VTI1A: variants seen among roughly 807,000 people sequenced by gnomAD.
The protein encoded by VTI1A is vesicle transport through interaction with t-SNAREs 1A.
A neutral mutation model predicts 34.9 loss-of-function variants in VTI1A; 22 were observed. The observed-to-expected ratio is 0.63, with a 90% CI of 0.45 to 0.90. The LOEUF is 0.90. Ranked by LOEUF, VTI1A falls within the 40% of genes least tolerant of loss-of-function variation. The pLI is 0.00. For missense variants in VTI1A, 268 were observed against 275.6 expected, an observed-to-expected ratio of 0.97 and a Z score of 0.20; for synonymous variants, 87 against 97.3, an observed-to-expected ratio of 0.89 and a Z score of 0.62.
chr10:112,499,445 A>T (rs1435167626), intron 3 of VTI1A, among the ~76,000 whole-genome samples: 1 of 151,562 alleles, frequency 6.6e-6, no homozygotes, highest in Non-Finnish European at 1.5e-5. Context: ...TCATCTCTTT[A>T]TTTTCTCTGG....
intron 7 of VTI1A, among the ~76,000 whole-genome samples, chr10:112,740,505 G>C (rs1484186440): frequency 6.6e-6 from 1 of 152,166 alleles, no homozygotes; most frequent in African/African-American, 2.4e-5. Context: ...GGGTGGTCTC[G>C]AACTCCTGAC....
chr10:112,586,395 C>T (rs930447824), intron 5 of VTI1A, among the ~76,000 whole-genome samples: 1 of 152,058 alleles, frequency 6.6e-6, no homozygotes, highest in Non-Finnish European at 1.5e-5. Flanking sequence ...GCGAAGTGGG[C>T]GTTTTTAAAT....
intron 7 of VTI1A, among the ~76,000 whole-genome samples, chr10:112,700,076 C>G (rs137943173): frequency 7.0e-6 from 1 of 142,920 alleles, no homozygotes; most frequent in Non-Finnish European, 1.5e-5. Context: ...CAAGATCGTG[C>G]TACTGCACTC....
chr10:112,736,602 A>C (rs977841085), intron 7 of VTI1A: 21 of 1,466,380 alleles, frequency 1.4e-5, no homozygotes, highest in Non-Finnish European at 1.7e-5. Context: ...GGCTCCTCTG[A>C]TAAGAAACCA....
At chr10:112,821,369 G>A (rs1192841336), downstream of VTI1A, among the ~76,000 whole-genome samples, 4 of 152,124 alleles carry the variant, frequency 2.6e-5, no homozygotes, top group Non-Finnish European at 4.4e-5. Context: ...GTTCAGGAGG[G>A]GACAATACCT....
chr10:112,504,824 T>C (rs1311665907), intron 3 of VTI1A, among the ~76,000 whole-genome samples: 1 of 152,170 alleles, frequency 6.6e-6, no homozygotes, highest in Non-Finnish European at 1.5e-5. Flanking sequence ...TGAATATTGG[T>C]TAACTAATAG....
intron 7 of VTI1A, among the ~76,000 whole-genome samples, chr10:112,765,594 G>A (rs1305594082): frequency 6.6e-6 from 1 of 152,206 alleles, no homozygotes; most frequent in African/African-American, 2.4e-5. Context: ...ACACTGCTAG[G>A]TGCTGGGGAA....
chr10:112,820,090 G>A (rs1442353337), downstream of VTI1A, among the ~76,000 whole-genome samples: 1 of 152,200 alleles, frequency 6.6e-6, no homozygotes, highest in Non-Finnish European at 1.5e-5. Context: ...CGAGCCAGGT[G>A]GGACCTGGCC....
intron 5 of VTI1A, chr10:112,548,921 T>C (rs1286114460): frequency 8.2e-6 from 7 of 858,272 alleles, no homozygotes; most frequent in African/African-American, 1.7e-5. Flanking sequence ...CCACTGACAT[T>C]TTCTTCTACT....
chr10:112,778,449 A>C (rs2134033397), intron 7 of VTI1A, among the ~76,000 whole-genome samples: 1 of 152,284 alleles, frequency 6.6e-6, no homozygotes, highest in African/African-American at 2.4e-5. Flanking sequence ...ACAAATAACC[A>C]CAACCCCGAT....
chr10:112,712,312 G>A (rs1590102627), intron 7 of VTI1A, among the ~76,000 whole-genome samples: 2 of 152,228 alleles, frequency 1.3e-5, no homozygotes, highest in South Asian at 2.1e-4. Flanking sequence ...GTCCTCACAT[G>A]TATTTTCAGT....
chr10:112,497,973 T>A (rs1849087755), intron 3 of VTI1A, among the ~76,000 whole-genome samples: 1 of 152,204 alleles, frequency 6.6e-6, no homozygotes, highest in Non-Finnish European at 1.5e-5. Context: ...ATGCTGTTAT[T>A]TTCAGCTGAC....
At position 112,515,694 on chromosome 10, in the gene VTI1A, G is replaced by A. The variant is rs1849751748; in HGVS notation, c.265-11393G>A. The stretch of plus-strand genomic sequence containing the variant: ...ATAATGTCACCTTCATCTAGCCACT[G>A]AATTTTGACTTGGAACTTCATTAGG... On this transcript the variant is annotated intron_variant, in intron 3 of 7. Coordinates refer to ENST00000393077, the MANE Select transcript of VTI1A (RefSeq NM_145206.4). Among the ~76,000 whole-genome samples the A allele has an allele frequency of 2.0e-5, 3 of 152,192 alleles. No homozygotes were observed. In the South Asian group the frequency reaches 6.2e-4, roughly 32 times the overall value.
chr10:112,705,855 A>C (rs984206375), intron 7 of VTI1A, among the ~76,000 whole-genome samples: 1 of 152,162 alleles, frequency 6.6e-6, no homozygotes, highest in Non-Finnish European at 1.5e-5. Context: ...GGCAAAACAA[A>C]CAAGACTTCA....
chr10:112,518,685 A>C (rs1362593560), intron 3 of VTI1A, among the ~76,000 whole-genome samples: 1 of 149,806 alleles, frequency 6.7e-6, no homozygotes, highest in Non-Finnish European at 1.5e-5. Flanking sequence ...ACACACACAT[A>C]ACTTTTTAAA....
intron 7 of VTI1A, among the ~76,000 whole-genome samples, chr10:112,747,932 C>T (rs187798347): frequency 4.6e-5 from 7 of 152,284 alleles, no homozygotes; most frequent in South Asian, 2.1e-4. Context: ...GGCAATCCAA[C>T]GCCCAGACAG....
intron 5 of VTI1A, among the ~76,000 whole-genome samples, chr10:112,603,749 A>T (rs1701129162): frequency 6.6e-6 from 1 of 152,146 alleles, no homozygotes; most frequent in South Asian, 2.1e-4. Context: ...GCTTTCCATC[A>T]TCCACCTTAG....
chr10:112,577,276 A>G (rs2134386236), intron 5 of VTI1A, among the ~76,000 whole-genome samples: 1 of 152,298 alleles, frequency 6.6e-6, no homozygotes, highest in African/African-American at 2.4e-5. Flanking sequence ...ATTTTGGGGG[A>G]CAGAGACATT....
At chr10:112,846,795 A>C in the VTI1A span, among the ~76,000 whole-genome samples, 1 of 151,764 alleles carries the variant, frequency 6.6e-6, no homozygotes, top group African/African-American at 2.4e-5. Flanking sequence ...AAAAAGAAAT[A>C]TGGCCAGTGG....
Sources: allele counts gnomAD v4.1 joint callset (sites outside exome capture counted in the v4.1 genomes callset), GRCh38; gene constraint gnomAD v4.1.1; transcripts MANE v1.5; gene names NCBI Gene and HGNC (gene_info 2026-07-23, HGNC 2026-07-21).